The following AATF variants were observed in gnomAD, a reference collection of about 807,000 sequenced individuals.
The protein encoded by AATF is protein AATF.
Under a neutral mutation model 63.7 loss-of-function variants are expected in AATF, and 48 were observed. That is an observed-to-expected ratio of 0.75 (90% CI 0.60 to 0.96). The LOEUF is 0.96. Among genes scored for constraint, AATF ranks in the 40% least tolerant of loss-of-function variants. The pLI is 0.00. For missense variants in AATF, 639 were observed against 685.7 expected (o/e 0.93, Z 0.76); for synonymous variants, 258 against 247.7 (o/e 1.04, Z -0.39).
chr17:36,986,567 T>G, intron 4 of AATF, 50 bp from the exon 5 acceptor site: 1 of 1,501,044 alleles, frequency 6.7e-7, no homozygotes, highest in Non-Finnish European at 9.3e-7. Context: ...TCACCTACTT[T>G]GGAGAATTGT....
chr17:37,020,209 T>A (rs1445431654), intron 9 of AATF, among the ~76,000 whole-genome samples: 2 of 152,192 alleles, frequency 1.3e-5, no homozygotes, highest in East Asian at 3.9e-4. Flanking sequence ...TGGATTCTGA[T>A]CCAAACAAGC....
chr17:36,983,832 G>A (rs1403639868), intron 4 of AATF, among the ~76,000 whole-genome samples: 5 of 152,214 alleles, frequency 3.3e-5, no homozygotes, highest in Admixed American at 3.3e-4. Flanking sequence ...AAACAAGGAA[G>A]TTGTATTTAT....
At chr17:37,015,248 G>A (rs974825163) in intron 8 of AATF, among the ~76,000 whole-genome samples, 8 of 152,148 alleles carry the variant, frequency 5.3e-5, no homozygotes, top group African/African-American at 1.9e-4. Context: ...GAGTAGCCTT[G>A]GATGTCAGAA....
intron 4 of AATF, among the ~76,000 whole-genome samples, chr17:36,986,127 A>C (rs1018966354): frequency 6.6e-6 from 1 of 152,176 alleles, no homozygotes; most frequent in Non-Finnish European, 1.5e-5. Flanking sequence ...TCCTGGGGGC[A>C]AGGTGGAAGG....
intron 10 of AATF, among the ~76,000 whole-genome samples, chr17:37,029,508 A>G (rs890322452): frequency 6.6e-6 from 1 of 150,900 alleles, no homozygotes; most frequent in African/African-American, 2.4e-5. Context: ...TCAGGCTTCT[A>G]AAGTGTTGGG....
At chr17:37,000,940 A>C (rs923153169) in intron 8 of AATF, among the ~76,000 whole-genome samples, 1 of 152,036 alleles carries the variant, frequency 6.6e-6, no homozygotes, top group African/African-American at 2.4e-5. Context: ...TAACAGAAGG[A>C]AACTCTGTCT....
chr17:36,964,469 C>A (rs1383503043), intron 4 of AATF, among the ~76,000 whole-genome samples: 1 of 151,768 alleles, frequency 6.6e-6, no homozygotes, highest in African/African-American at 2.4e-5. Context: ...ATTGCGCCAC[C>A]GCACTCCAGC....
intron 8 of AATF, among the ~76,000 whole-genome samples, chr17:37,000,472 T>G (rs1206567054): frequency 6.6e-6 from 1 of 152,186 alleles, no homozygotes; most frequent in Non-Finnish European, 1.5e-5. Context: ...GGCTTTATTT[T>G]TGTTACTAGG....
chr17:36,986,879 A>C, intron 5 of AATF, 148 bp downstream of exon 5: 1 of 671,664 alleles, frequency 1.5e-6, no homozygotes. Context: ...AGGATGGCAC[A>C]TAAGTTGGTG....
intron 11 of AATF, among the ~76,000 whole-genome samples, chr17:37,048,378 T>C (rs968295229): frequency 2.3e-4 from 33 of 144,042 alleles, no homozygotes; most frequent in African/African-American, 8.5e-4. Context: ...TTTTTTTTTT[T>C]TTTTTTTTTT....
At chr17:37,048,203 A>G (rs1330777911) in intron 11 of AATF, among the ~76,000 whole-genome samples, 1 of 151,912 alleles carries the variant, frequency 6.6e-6, no homozygotes, top group Non-Finnish European at 1.5e-5. Context: ...AGGGAGAGTA[A>G]GTACCGACTT....
chr17:36,958,062 G>A (rs888023212), intron 4 of AATF, among the ~76,000 whole-genome samples: 5 of 152,156 alleles, frequency 3.3e-5, no homozygotes, highest in African/African-American at 1.2e-4. Context: ...ATATTTTAGT[G>A]GCTGCATAAG....
At chr17:37,021,534 C>G (rs1352485083) in intron 10 of AATF, among the ~76,000 whole-genome samples, 1 of 152,072 alleles carries the variant, frequency 6.6e-6, no homozygotes, top group Non-Finnish European at 1.5e-5. Flanking sequence ...GAGGCTGAGG[C>G]AGTAGAATCA....
chr17:37,006,469 C>CA (rs1185279948), intron 8 of AATF, among the ~76,000 whole-genome samples: 4 of 150,274 alleles, frequency 2.7e-5, no homozygotes, highest in South Asian at 2.1e-4. Context: ...AACTCCGTCT[C>CA]AAAAAAAAAG....
intron 8 of AATF, among the ~76,000 whole-genome samples, chr17:36,996,337 G>A (rs2071254706): frequency 6.6e-6 from 1 of 152,164 alleles, no homozygotes; most frequent in Admixed American, 6.5e-5. Flanking sequence ...TGGAGACTGA[G>A]GTGGGAAAAT....
intron 8 of AATF, among the ~76,000 whole-genome samples, chr17:37,009,294 G>A (rs1401291679): frequency 1.4e-5 from 2 of 140,990 alleles, no homozygotes; most frequent in African/African-American, 5.9e-5. Context: ...ACCATGCCCG[G>A]CTAATTTTTT....
At position 36,988,597 on chromosome 17, in the gene AATF, G is replaced by A. The variant is rs766736234; in HGVS notation, c.1026G>A (p.Lys342=). ...QQRRRVPAKR[K]LEMEDYPSFM... Reference sequence around the variant, plus strand: ...GAAGAAGGGTCCCTGCAAAGAGGAAGCTGGAGATGGAGGACTATCCCAGCT... The same window carrying A: ...GAAGAAGGGTCCCTGCAAAGAGGAAACTGGAGATGGAGGACTATCCCAGCT... The change falls in exon 6 of 12, where the codon AAG becomes AAA. Residue 342 remains lysine, a synonymous_variant. Transcript: ENST00000619387. The A allele has an allele frequency of 6.2e-7, 1 of 1,614,220 alleles. No homozygotes were observed. The highest frequency in any genetic ancestry group is 1.7e-5 in the Admixed American group (1 of 60,026).
intron 3 of AATF, 120 bp downstream of exon 3, chr17:36,953,416 G>A (rs1354594638): frequency 2.0e-6 from 3 of 1,477,378 alleles, no homozygotes; most frequent in Admixed American, 4.7e-5. Flanking sequence ...TTTGTGACAT[G>A]CCCCACTTAC....
intron 11 of AATF, among the ~76,000 whole-genome samples, chr17:37,037,105 T>G (rs2071599494): frequency 6.6e-6 from 1 of 150,484 alleles, no homozygotes; most frequent in South Asian, 2.1e-4. Context: ...GCCTCCTGGG[T>G]TCAAGTGATT....
Sources: allele counts gnomAD v4.1 joint callset (sites outside exome capture counted in the v4.1 genomes callset), GRCh38; gene constraint gnomAD v4.1.1; transcripts MANE v1.5; gene names NCBI Gene and HGNC (gene_info 2026-07-23, HGNC 2026-07-21).